Variants in ATP2B4 observed in about 807,000 individuals in gnomAD.
ATP2B4 encodes plasma membrane calcium-transporting ATPase 4.
In ATP2B4, 39 loss-of-function variants were observed where a neutral mutation model predicts 110.3. The observed-to-expected ratio is 0.35, with a 90% CI of 0.27 to 0.46. The LOEUF (loss-of-function observed/expected upper bound fraction) is 0.46. Ranked by LOEUF, ATP2B4 falls within the 20% of genes least tolerant of loss-of-function variation. ATP2B4 has a pLI of 1.00. For synonymous variants in ATP2B4, 538 were observed against 571.7 expected (o/e 0.94, Z 0.84); for missense variants, 1,135 against 1,530.9 (o/e 0.74, Z 4.32).
At chr1:203,633,827 G>C (rs1663352749) in intron 1 of ATP2B4, among the ~76,000 whole-genome samples, 1 of 152,156 alleles carries the variant, frequency 6.6e-6, no homozygotes, top group Admixed American at 6.5e-5. Context: ...GAGGTGGGTA[G>C]ATCACCTGAG....
chr1:203,720,047 G>A (rs1020738760), intron 15 of ATP2B4, among the ~76,000 whole-genome samples: 6 of 152,076 alleles, frequency 3.9e-5, no homozygotes, highest in Admixed American at 3.3e-4. Flanking sequence ...ACTCCAGCCT[G>A]GACAAAGCAA....
In ATP2B4 at chr1:203,709,489, C is replaced by T. The variant is rs2102398517; in HGVS notation, c.1746C>T (p.Pro582=). ...CAATGAGCACCGTCATCAGGAATCC[C>T]AACGGTGGCTTCCGTATGTACAGCA... is the stretch of plus-strand genomic sequence containing the variant. ...RKSMSTVIRN[P]NGGFRMYSKG... is the part of the protein sequence containing the mutation. The change falls in exon 11 of 21, where the codon CCC becomes CCT. Residue 582 remains proline (P), a synonymous_variant. Coordinates refer to ENST00000357681, the MANE Select transcript of ATP2B4 (RefSeq NM_001684.5). 6.2e-7 allele frequency: 1 copy of T among 1,614,152 alleles called. No homozygotes were observed. The highest frequency in any genetic ancestry group is 8.5e-7 in the Non-Finnish European group (1 of 1,180,026).
intron 1 of ATP2B4, among the ~76,000 whole-genome samples, chr1:203,645,481 T>C (rs1015971125): frequency 1.2e-4 from 19 of 152,176 alleles, no homozygotes; most frequent in Admixed American, 2.0e-4. Flanking sequence ...TTTTATTTTG[T>C]TTTGTTTTTC....
At chr1:203,696,439 C>G (rs1265366456) in intron 2 of ATP2B4, among the ~76,000 whole-genome samples, 2 of 152,168 alleles carry the variant, frequency 1.3e-5, no homozygotes, top group African/African-American at 4.8e-5. Flanking sequence ...GTTGAAGTTC[C>G]CTTCCTCTGA....
At position 203,700,292 on chromosome 1, in the gene ATP2B4, G is replaced by A. The variant is rs1356788819; in HGVS notation, c.736G>A (p.Val246Ile). 1 of 1,614,006 alleles carries A rather than the reference G, an allele frequency of 6.2e-7. No individual in the cohort carries two copies. Among genetic ancestry groups the A allele is most frequent in the Admixed American group, 1.7e-5 (1 of 60,000 alleles). ...CTCTCTGACAGGGGAATCTGACCATGTCAAGAAGTCCCTGGACAAAGACCC... is the reference window on the plus strand; with the variant it reads ...CTCTCTGACAGGGGAATCTGACCATATCAAGAAGTCCCTGGACAAAGACCC... Reference protein sequence around the residue: ...ESSLTGESDHVKKSLDKDPML... With the variant: ...ESSLTGESDHIKKSLDKDPML... The change falls in exon 5 of 21, where the codon GTC becomes ATC. Residue 246 changes from valine (V) to isoleucine (I), a missense_variant. Around this residue, in one of 9 missense-constraint regions of ATP2B4, gnomAD observed 101 missense variants for 182.6 expected, o/e 0.55. Coordinates refer to ENST00000357681, the MANE Select transcript of ATP2B4 (RefSeq NM_001684.5).
intron 19 of ATP2B4, among the ~76,000 whole-genome samples, chr1:203,725,795 C>G (rs1666491222): frequency 1.3e-5 from 2 of 152,078 alleles, no homozygotes; most frequent in South Asian, 4.2e-4. Context: ...CCTAACTGGC[C>G]TCAAAGAGCC....
chr1:203,646,265 A>G (rs1323739945), intron 1 of ATP2B4, among the ~76,000 whole-genome samples: 1 of 151,916 alleles, frequency 6.6e-6, no homozygotes, highest in African/African-American at 2.4e-5. Context: ...AAATACTTTT[A>G]TCCAAGTTCC....
At position 203,727,378 on chromosome 1, in the gene ATP2B4, G is replaced by A. The variant is rs375719558; in HGVS notation, c.3133-17G>A. 3.0e-5 allele frequency: 49 copies of A among 1,613,046 alleles called. No homozygotes were observed. Among genetic ancestry groups the A allele is most frequent in the South Asian group, 1.3e-4 (12 of 91,018 alleles). ...CGCTGATTCTGACGTCTTCCTCTTC[G>A]CTGCGCTTGTTTTCAGTTCATCTCC... is the stretch of plus-strand genomic sequence containing the variant. On this transcript the variant is annotated splice_polypyrimidine_tract_variant and intron_variant, in intron 19 of 20. Transcript: ENST00000357681.
intron 20 of ATP2B4, among the ~76,000 whole-genome samples, chr1:203,737,266 A>G (rs928939340): frequency 6.6e-6 from 1 of 152,202 alleles, no homozygotes; most frequent in Non-Finnish European, 1.5e-5. Flanking sequence ...AAAGTATTCA[A>G]TTGAATGGAA....
chr1:203,685,999 TAATC>T (rs1665167535), intron 2 of ATP2B4, among the ~76,000 whole-genome samples: 2 of 143,060 alleles, frequency 1.4e-5, no homozygotes, highest in African/African-American at 5.4e-5. Context: ...GCTCACTTCT[TAATC>T]ACAAAAAAAA....
chr1:203,661,379 G>T (rs1430201072), intron 1 of ATP2B4, among the ~76,000 whole-genome samples: 2 of 152,284 alleles, frequency 1.3e-5, no homozygotes, highest in African/African-American at 4.8e-5. Flanking sequence ...CTGTAAAATG[G>T]GAGTGATACG....
chr1:203,653,741 G>C (rs1372785798), intron 1 of ATP2B4, among the ~76,000 whole-genome samples: 1 of 151,512 alleles, frequency 6.6e-6, no homozygotes, highest in Non-Finnish European at 1.5e-5. Context: ...ATTTTTAGTA[G>C]AGACGGGGTT....
At chr1:203,686,264 A>T (rs1352810797) in intron 2 of ATP2B4, among the ~76,000 whole-genome samples, 1 of 152,108 alleles carries the variant, frequency 6.6e-6, no homozygotes, top group Non-Finnish European at 1.5e-5. Context: ...TTCCCTTCCT[A>T]TGCTGTTCTT....
intron 19 of ATP2B4, among the ~76,000 whole-genome samples, chr1:203,725,111 C>T (rs1279967566): frequency 1.3e-5 from 2 of 150,742 alleles, no homozygotes; most frequent in African/African-American, 2.4e-5. Context: ...CTCCTGACCT[C>T]GTGATCTGCC....
At chr1:203,672,759 G>A (rs150446085) in intron 1 of ATP2B4, among the ~76,000 whole-genome samples, 450 of 152,218 alleles carry the variant, frequency 3.0e-3, no homozygotes, top group African/African-American at 0.01. Context: ...CCCCAGCATC[G>A]CTCATCTCCT....
At chr1:203,680,347 A>G (rs1160843688) in intron 1 of ATP2B4, among the ~76,000 whole-genome samples, 1 of 152,102 alleles carries the variant, frequency 6.6e-6, no homozygotes, top group Non-Finnish European at 1.5e-5. Flanking sequence ...GCGGTGGCTC[A>G]TGCCTGAATC....
Position 203,739,608 on chromosome 1 carries a change from A to G in ATP2B4, c.3372A>G (p.Gln1124=), listed in dbSNP as rs202162950. 1.3e-5 allele frequency: 21 copies of G among 1,614,006 alleles called. No homozygotes were observed. The highest frequency in any genetic ancestry group is 1.7e-5 in the Non-Finnish European group (20 of 1,180,032). Residue 1124 remains glutamine, a synonymous_variant, in exon 21 of 21, where the codon CAA becomes CAG. Coordinates refer to ENST00000357681, the MANE Select transcript of ATP2B4 (RefSeq NM_001684.5). ...AAAGCATTCAGAAACCCTACAACCAAAAGTCCATCCACAGCTTCATGACCC... is the reference window on the plus strand; with the variant it reads ...AAAGCATTCAGAAACCCTACAACCAGAAGTCCATCCACAGCTTCATGACCC... ...LHESIQKPYN[Q]KSIHSFMTHP... is the part of the protein sequence containing the mutation.
Position 203,720,846 on chromosome 1 carries a change from C to T in ATP2B4, c.2598+106C>T, listed in dbSNP as rs1666299932. The stretch of plus-strand genomic sequence containing the variant: ...ACTGAAGAGTAAAGACAGCGTTTCC[C>T]CATGACATTGGGACAGGAGTTAGCT... On this transcript the variant is annotated intron_variant, in intron 16 of 20. Coordinates refer to ENST00000357681, the MANE Select transcript of ATP2B4 (RefSeq NM_001684.5). 5 of 1,328,994 alleles carry T rather than the reference C, an allele frequency of 3.8e-6. No individual in the cohort carries two copies. In the South Asian group the frequency reaches 4.4e-5, roughly 12 times the overall value. 82.3% of individuals were successfully genotyped at this position (1,328,994 alleles called of 1,614,324 possible).
intron 2 of ATP2B4, among the ~76,000 whole-genome samples, chr1:203,684,442 G>A (rs563501551): frequency 2.0e-5 from 3 of 148,020 alleles, no homozygotes; most frequent in South Asian, 2.1e-4. Flanking sequence ...TGCAACCTCC[G>A]CCTCCCAGGT....
Sources: allele counts gnomAD v4.1 joint callset (sites outside exome capture counted in the v4.1 genomes callset), GRCh38; gene constraint gnomAD v4.1.1; regional missense constraint gnomAD v4.1.1; transcripts MANE v1.5; gene names NCBI Gene and HGNC (gene_info 2026-07-23, HGNC 2026-07-21).